ANO6: variants seen among roughly 807,000 people sequenced by gnomAD.
ANO6 encodes anoctamin 6.
Under a neutral mutation model 117.5 loss-of-function variants are expected in ANO6, and 106 were observed. That is an observed-to-expected ratio of 0.90 (90% CI 0.77 to 1.06). The LOEUF (loss-of-function observed/expected upper bound fraction) is 1.06. Among genes scored for constraint, ANO6 ranks in the 50% least tolerant of loss-of-function variants. The probability of loss-of-function intolerance (pLI) is 0.00; values close to 1 mark genes in which losing one functional copy is unlikely to be tolerated. For synonymous variants in ANO6, 367 were observed against 385.1 expected, an observed-to-expected ratio of 0.95 and a Z score of 0.55; for missense variants, 955 against 1,121.1, an observed-to-expected ratio of 0.85 and a Z score of 2.12.
intron 11 of ANO6, among the ~76,000 whole-genome samples, chr12:45,388,551 A>G (rs1472282415): frequency 6.6e-6 from 1 of 152,166 alleles, no homozygotes; most frequent in Non-Finnish European, 1.5e-5. Context: ...ACAGGAGATA[A>G]ATGGGGCCCC....
At chr12:45,400,977 G>T (rs1047926973) in intron 12 of ANO6, among the ~76,000 whole-genome samples, 6 of 152,226 alleles carry the variant, frequency 3.9e-5, no homozygotes, top group Admixed American at 3.9e-4. Context: ...TTTAATGTGC[G>T]TCGTTGAGTG....
Position 45,357,362 on chromosome 12 carries a change from C to G in ANO6, c.936C>G (p.Ala312=). Reference sequence around the variant, plus strand: ...ATTACACTCAGATGCTTCTCCTGGCCGCAGTTGTAGGAGTGGCTTGCTTTC... The same window carrying G: ...ATTACACTCAGATGCTTCTCCTGGCGGCAGTTGTAGGAGTGGCTTGCTTTC... ...LGYYTQMLLL[A]AVVGVACFLY... The change falls in exon 8 of 20, where the codon GCC becomes GCG. Residue 312 remains alanine, a synonymous_variant. Transcript: ENST00000320560. The G allele has an allele frequency of 4.3e-6, 7 of 1,613,976 alleles. No individual in the cohort carries two copies. Among genetic ancestry groups the G allele is most frequent in the Non-Finnish European group, 5.1e-6 (6 of 1,179,984 alleles).
intron 1 of ANO6, among the ~76,000 whole-genome samples, chr12:45,256,908 T>A (rs1018097185): frequency 3.3e-5 from 5 of 152,236 alleles, no homozygotes; most frequent in Admixed American, 6.5e-5. Flanking sequence ...CACTTCCTAC[T>A]GAATATTAAT....
intron 1 of ANO6, among the ~76,000 whole-genome samples, chr12:45,280,301 C>T (rs1220847001): frequency 2.0e-5 from 3 of 152,100 alleles, no homozygotes. Context: ...CTTTGAGTGA[C>T]GAGTTTGATC....
intron 1 of ANO6, among the ~76,000 whole-genome samples, chr12:45,231,832 C>T (rs1015132710): frequency 6.6e-6 from 1 of 152,010 alleles, no homozygotes; most frequent in Non-Finnish European, 1.5e-5. Flanking sequence ...TAAGCAAACA[C>T]AGCAAAAGGC....
At chr12:45,295,757 C>T (rs1047460974) in intron 1 of ANO6, among the ~76,000 whole-genome samples, 3 of 152,086 alleles carry the variant, frequency 2.0e-5, no homozygotes, top group African/African-American at 4.8e-5. Context: ...GACGGGGTTT[C>T]ACCACTTTAG....
At chr12:45,253,466 G>C (rs1040479544) in intron 1 of ANO6, among the ~76,000 whole-genome samples, 2 of 152,208 alleles carry the variant, frequency 1.3e-5, no homozygotes, top group African/African-American at 4.8e-5. Context: ...GTCTATGGAA[G>C]AAGTACAGGA....
At chr12:45,271,240 G>A (rs1323466136) in intron 1 of ANO6, among the ~76,000 whole-genome samples, 2 of 152,160 alleles carry the variant, frequency 1.3e-5, no homozygotes, top group African/African-American at 2.4e-5. Context: ...ACATACAAAT[G>A]TATATGGCAT....
intron 19 of ANO6, 127 bp from the exon 20 acceptor site, chr12:45,428,978 G>A: frequency 9.3e-7 from 1 of 1,080,224 alleles, no homozygotes; most frequent in Non-Finnish European, 1.4e-6. Flanking sequence ...ATTAGCGGTT[G>A]GTTGTGTGTG....
intron 1 of ANO6, among the ~76,000 whole-genome samples, chr12:45,290,265 C>CT (rs397948362): frequency 0.011 from 1,626 of 150,790 alleles, 29 homozygotes; most frequent in African/African-American, 0.037. Context: ...CCTATAGCGG[C>CT]TTTTTTTTTC....
intron 1 of ANO6, among the ~76,000 whole-genome samples, chr12:45,278,743 T>TCATCTAA (rs1938629592): frequency 6.6e-6 from 1 of 152,238 alleles, no homozygotes; most frequent in East Asian, 1.9e-4. Context: ...AGATGCCCTC[T>TCATCTAA]CAGTGTCTGG....
At chr12:45,380,569 G>A (rs9788251) in intron 10 of ANO6, among the ~76,000 whole-genome samples, 22,530 of 152,154 alleles carry the variant, frequency 0.15, 2,315 homozygotes, top group East Asian at 0.46. Flanking sequence ...CCCTGACTCT[G>A]TTCAGCCCAG....
chr12:45,301,402 C>G (rs1285186933), intron 1 of ANO6, among the ~76,000 whole-genome samples: 1 of 151,572 alleles, frequency 6.6e-6, no homozygotes, highest in Non-Finnish European at 1.5e-5. Flanking sequence ...GACTGATTAG[C>G]CTGGGCAATA....
intron 1 of ANO6, among the ~76,000 whole-genome samples, chr12:45,283,373 G>C (rs780621261): frequency 6.6e-6 from 1 of 152,164 alleles, no homozygotes; most frequent in Non-Finnish European, 1.5e-5. Context: ...CATGGCATAG[G>C]AGGAGGCTTT....
rs765127370 is a variant in ANO6, at chr12:45,401,931, C to T, written c.1523C>T (p.Thr508Met). 13 of 1,613,910 alleles carry T rather than the reference C, an allele frequency of 8.1e-6. No homozygotes were observed. Among genetic ancestry groups the T allele is most frequent in the African/African-American group, 4.0e-5 (3 of 74,866 alleles). ...AAATACCTGACTCCACAGACAGCCA[C>T]GTCCATCACGGCCTCCATCATCAGC... ...IQKYLTPQTA[T>M]SITASIISFI... Residue 508 changes from threonine (T) to methionine (M), a missense_variant, in exon 13 of 20, where the codon ACG becomes ATG. Coordinates refer to ENST00000320560, the MANE Select transcript of ANO6 (RefSeq NM_001025356.3).
At chr12:45,310,801 C>T (rs759326498) in intron 2 of ANO6, among the ~76,000 whole-genome samples, 19 of 151,866 alleles carry the variant, frequency 1.3e-4, no homozygotes, top group Non-Finnish European at 2.6e-4. Flanking sequence ...TCTAGTGGGG[C>T]AAATGTGACA....
Position 45,216,120 on chromosome 12 carries a change from G to T in ANO6, c.-202G>T. ...AGTCTCCGGGCTCCGCTCGGCAGGC[G>T]AGAGGCGTCCTCCGGCTCTGGGCTC... On this transcript the variant is annotated 5_prime_UTR_variant, in exon 1 of 20. Transcript: ENST00000320560. The T allele has an allele frequency of 1.7e-6, 1 of 590,894 alleles. No homozygotes were observed. Among genetic ancestry groups the T allele is most frequent in the South Asian group, 2.0e-5 (1 of 49,986 alleles). The allele number at this position is 590,894 out of a possible 1,614,324, so 36.6% of individuals were successfully genotyped here.
chr12:45,259,592 A>C (rs1937953660), intron 1 of ANO6, among the ~76,000 whole-genome samples: 1 of 152,162 alleles, frequency 6.6e-6, no homozygotes, highest in Admixed American at 6.5e-5. Flanking sequence ...TGCAGTGGGT[A>C]CTTCTGATAA....
intron 1 of ANO6, among the ~76,000 whole-genome samples, chr12:45,247,020 C>T (rs1332141438): frequency 6.6e-6 from 1 of 152,142 alleles, no homozygotes; most frequent in East Asian, 1.9e-4. Flanking sequence ...CACCCTCCGC[C>T]TCCTGGGCGA....
Sources: allele counts gnomAD v4.1 joint callset (sites outside exome capture counted in the v4.1 genomes callset), GRCh38; gene constraint gnomAD v4.1.1; transcripts MANE v1.5; gene names NCBI Gene and HGNC (gene_info 2026-07-23, HGNC 2026-07-21).